Variants in EPC1 observed in about 807,000 individuals in gnomAD.
EPC1 encodes the protein enhancer of polycomb homolog 1.
EPC1 carries 12 observed loss-of-function variants against 98.4 expected under a neutral mutation model. That is an observed-to-expected ratio of 0.12 (90% CI 0.08 to 0.20). EPC1 has a LOEUF of 0.20. Ranked by LOEUF, EPC1 falls within the 10% of genes least tolerant of loss-of-function variation. EPC1 has a pLI of 1.00. For synonymous variants in EPC1, 357 were observed against 363.9 expected, an observed-to-expected ratio of 0.98 and a Z score of 0.21; for missense variants, 729 against 990.5, an observed-to-expected ratio of 0.74 and a Z score of 3.54.
At chr10:32,328,937 G>A (rs371568895) in intron 1 of EPC1, among the ~76,000 whole-genome samples, 14 of 152,316 alleles carry the variant, frequency 9.2e-5, no homozygotes, top group African/African-American at 3.4e-4. Flanking sequence ...ACAGAATTAT[G>A]CGTATCACCT....
At chr10:32,275,586 G>T (rs1385997425) in intron 10 of EPC1, among the ~76,000 whole-genome samples, 2 of 145,806 alleles carry the variant, frequency 1.4e-5, no homozygotes, top group Non-Finnish European at 3.0e-5. Context: ...CTAACACAGT[G>T]AAACCCCATC....
At position 32,287,183 on chromosome 10, in the gene EPC1, G is replaced by A. The variant is rs143130252; in HGVS notation, c.1067C>T (p.Thr356Met). The A allele has an allele frequency of 5.9e-5, 95 of 1,614,018 alleles. No homozygotes were observed. The highest frequency in any genetic ancestry group is 7.9e-5 in the Non-Finnish European group (93 of 1,180,026). ...GAAGACTGGCAGTGCAGCAGGACTC[G>A]TCTGTTGGGGAGTAGCAGCGGCAGA... ...PSSAAATPQQ[T>M]SPAALPVFNA... The change falls in exon 7 of 14, where the codon ACG becomes ATG. Residue 356 changes from threonine (T) to methionine (M), a missense_variant. By Grantham distance (81) the Thr-to-Met change is moderately conservative. Coordinates refer to ENST00000319778, the MANE Select transcript of EPC1 (RefSeq NM_001272004.3).
intron 10 of EPC1, among the ~76,000 whole-genome samples, chr10:32,277,964 C>T (rs1836185674): frequency 6.6e-6 from 1 of 152,168 alleles, no homozygotes; most frequent in Non-Finnish European, 1.5e-5. Flanking sequence ...GCTCTGTGCA[C>T]TGCACTCTTA....
intron 1 of EPC1, among the ~76,000 whole-genome samples, chr10:32,358,273 A>G (rs1839338094): frequency 6.6e-6 from 1 of 152,218 alleles, no homozygotes; most frequent in African/African-American, 2.4e-5. Flanking sequence ...TTACCCTCTT[A>G]AAGTATAGAA....
At chr10:32,320,548 T>C (rs1836845544) in intron 1 of EPC1, among the ~76,000 whole-genome samples, 1 of 152,182 alleles carries the variant, frequency 6.6e-6, no homozygotes, top group African/African-American at 2.4e-5. Flanking sequence ...TCCATTATGA[T>C]CTTCCAAATT....
chr10:32,299,540 C>CCATGAT (rs1554820195), intron 2 of EPC1, among the ~76,000 whole-genome samples: 72 of 148,270 alleles, frequency 4.9e-4, no homozygotes, highest in African/African-American at 1.6e-3. Flanking sequence ...CCCCAAGCCT[C>CCATGAT]CATCATCATC....
chr10:32,289,845 C>T (rs1047747374), intron 6 of EPC1, among the ~76,000 whole-genome samples: 5 of 151,940 alleles, frequency 3.3e-5, no homozygotes, highest in African/African-American at 9.7e-5. Context: ...AGGATGGTCT[C>T]GATCTCCTGA....
chr10:32,289,079 ACT>A (rs1054849167), intron 6 of EPC1, among the ~76,000 whole-genome samples: 2 of 151,716 alleles, frequency 1.3e-5, no homozygotes, highest in Non-Finnish European at 2.9e-5. Flanking sequence ...ACAGAGCAAG[ACT>A]CTGCCTTAAA....
chr10:32,338,937 CA>C (rs139491789), intron 1 of EPC1, among the ~76,000 whole-genome samples: 8 of 88,690 alleles, frequency 9.0e-5, no homozygotes, highest in Admixed American at 3.3e-4. Context: ...GACCTTGTCT[CA>C]AAAAAAATAA....
intron 1 of EPC1, among the ~76,000 whole-genome samples, chr10:32,358,119 T>C (rs1007366983): frequency 1.4e-4 from 22 of 152,240 alleles, no homozygotes; most frequent in Admixed American, 3.9e-4. Context: ...CCTCCCAAAG[T>C]GGTGGGATTA....
chr10:32,347,212 G>A, upstream of EPC1: 2 of 1,229,720 alleles, frequency 1.6e-6, no homozygotes, highest in East Asian at 3.2e-5. Context: ...CAGCGGCGCG[G>A]GCACGCGGGC....
At chr10:32,302,841 T>A (rs1259296131) in intron 2 of EPC1, among the ~76,000 whole-genome samples, 2 of 152,110 alleles carry the variant, frequency 1.3e-5, no homozygotes, top group South Asian at 4.1e-4. Flanking sequence ...TAAAAAATAG[T>A]GCAACCCCCA....
rs373113408 is a variant in EPC1, at chr10:32,290,497, A to G, written c.975+666T>C. On this transcript the variant is annotated intron_variant, in intron 6 of 13. Coordinates refer to ENST00000319778, the MANE Select transcript of EPC1 (RefSeq NM_001272004.3). The stretch of plus-strand genomic sequence containing the variant: ...CAAGACTCTGTCAAAAAAAAAAAAA[A>G]AAAAAAAAAAAGAAAGAAAGAAAAA... 4.4e-4 allele frequency among the ~76,000 whole-genome samples: 25 copies of G among 56,436 alleles called. 2 individuals carry two copies. The East Asian group carries it at 6.2e-3, about 14-fold the overall frequency. 37.0% of individuals were successfully genotyped at this position (56,436 alleles called of 152,430 possible). A position where few individuals can be genotyped will look rare whatever the true frequency, so the allele number is the denominator to read the frequency against.
intron 1 of EPC1, among the ~76,000 whole-genome samples, chr10:32,344,681 G>A (rs1259980571): frequency 6.6e-6 from 1 of 152,226 alleles, no homozygotes; most frequent in Admixed American, 6.5e-5. Context: ...AGCTACTGGG[G>A]AGGCTGAGGA....
At chr10:32,271,313 G>T (rs968617747) in intron 13 of EPC1, among the ~76,000 whole-genome samples, 2 of 152,044 alleles carry the variant, frequency 1.3e-5, no homozygotes, top group African/African-American at 4.8e-5. Context: ...TAGTAAGAAA[G>T]GGATGTTCCA....
In EPC1 at chr10:32,273,074, T is replaced by C. The variant is rs1305402307; in HGVS notation, c.1863+89A>G. 7 of 1,614,174 alleles carry C rather than the reference T, an allele frequency of 4.3e-6. No homozygotes were observed. The East Asian group carries it at 8.9e-5, about 21-fold the overall frequency. ...GAAAGCCACTTTTCTGCTGGTTAGA[T>C]GCAAGGTTCTATGACAACAGTTGGT... On this transcript the variant is annotated intron_variant, in intron 11 of 13. Transcript: ENST00000319778.
At chr10:32,368,564 T>C (rs1839664867) in intron 1 of EPC1, among the ~76,000 whole-genome samples, 1 of 152,148 alleles carries the variant, frequency 6.6e-6, no homozygotes, top group Admixed American at 6.6e-5. Flanking sequence ...TTTGGTTTGG[T>C]TTTTTAATGT....
chr10:32,347,328 C>T (rs1400858451), upstream of EPC1: 1 of 460,618 alleles, frequency 2.2e-6, no homozygotes, highest in Non-Finnish European at 2.9e-6. Context: ...GCTCCGGGCC[C>T]CCGCCCTTCG....
chr10:32,338,304 C>A (rs1838102547), intron 1 of EPC1, among the ~76,000 whole-genome samples: 1 of 152,150 alleles, frequency 6.6e-6, no homozygotes, highest in Non-Finnish European at 1.5e-5. Flanking sequence ...TCTGGCTCCT[C>A]AAAATATATC....
Sources: allele counts gnomAD v4.1 joint callset (sites outside exome capture counted in the v4.1 genomes callset), GRCh38; gene constraint gnomAD v4.1.1; transcripts MANE v1.5; gene names NCBI Gene and HGNC (gene_info 2026-07-23, HGNC 2026-07-21).